Variants in PDSS1 observed in about 807,000 individuals in gnomAD.
PDSS1 encodes the protein all trans-polyprenyl-diphosphate synthase PDSS1.
A neutral mutation model predicts 57.5 loss-of-function variants in PDSS1; 43 were observed. That is an observed-to-expected ratio of 0.75 (90% CI 0.59 to 0.96). PDSS1 has a LOEUF of 0.96. Ranked by LOEUF, PDSS1 falls within the 50% of genes least tolerant of loss-of-function variation. PDSS1 has a pLI of 0.00. For synonymous variants in PDSS1, 175 were observed against 191.3 expected (o/e 0.91, Z 0.70); for missense variants, 438 against 527.8 (o/e 0.83, Z 1.67).
At chr10:26,729,812 T>C (rs975645030) in intron 8 of PDSS1, among the ~76,000 whole-genome samples, 5 of 152,180 alleles carry the variant, frequency 3.3e-5, no homozygotes, top group African/African-American at 1.2e-4. Context: ...TGTGGAGTTA[T>C]TTCTATCCTA....
chr10:26,698,645 A>G (rs1834952809), intron 1 of PDSS1, among the ~76,000 whole-genome samples: 1 of 152,204 alleles, frequency 6.6e-6, no homozygotes, highest in Non-Finnish European at 1.5e-5. Flanking sequence ...TGCTATTAGC[A>G]TAACCGTGCA....
Position 26,746,601 on chromosome 10 carries a change from G to C in PDSS1, c.*128G>C. 5 of 1,009,816 alleles carry C rather than the reference G, an allele frequency of 5.0e-6. No individual in the cohort carries two copies. In the South Asian group the frequency reaches 7.2e-5, roughly 15 times the overall value. 62.6% of individuals were successfully genotyped at this position (1,009,816 alleles called of 1,614,324 possible). Reference sequence around the variant, plus strand: ...TTTAAAAGATATCAAACTTATTGATGGGCAATTTATTTTTTTTTATTGCAA... The same window carrying C: ...TTTAAAAGATATCAAACTTATTGATCGGCAATTTATTTTTTTTTATTGCAA... On this transcript the variant is annotated 3_prime_UTR_variant, in exon 12 of 12. Transcript: ENST00000376215.
chr10:26,738,591 G>A (rs763158110), intron 10 of PDSS1, among the ~76,000 whole-genome samples: 7 of 152,274 alleles, frequency 4.6e-5, no homozygotes, highest in South Asian at 2.1e-4. Context: ...GTTCTAAGAC[G>A]TCTGTAATCC....
intron 4 of PDSS1, 58 bp from the exon 5 acceptor site, chr10:26,709,579 CT>C (rs1285016609): frequency 6.4e-7 from 1 of 1,571,260 alleles, no homozygotes; most frequent in Non-Finnish European, 8.7e-7. Flanking sequence ...AAAAGAAATC[CT>C]GTTGGCTTTC....
At chr10:26,708,202 T>G (rs1284327453) in intron 4 of PDSS1, among the ~76,000 whole-genome samples, 1 of 152,224 alleles carries the variant, frequency 6.6e-6, no homozygotes, top group African/African-American at 2.4e-5. Context: ...ACTAAGTCGG[T>G]AATTTACTGA....
chr10:26,741,491 G>C (rs1043459706), intron 10 of PDSS1, among the ~76,000 whole-genome samples: 9 of 150,344 alleles, frequency 6.0e-5, no homozygotes, highest in African/African-American at 2.0e-4. Context: ...ATCACAGGAG[G>C]GGGGGAAAAA....
At chr10:26,719,331 C>G (rs759574523) in intron 5 of PDSS1, among the ~76,000 whole-genome samples, 1 of 152,202 alleles carries the variant, frequency 6.6e-6, no homozygotes, top group African/African-American at 2.4e-5. Context: ...GTCCTGTCTT[C>G]TTGAGCCTAC....
At chr10:26,729,244 C>T (rs1333863358) in intron 8 of PDSS1, among the ~76,000 whole-genome samples, 1 of 152,152 alleles carries the variant, frequency 6.6e-6, no homozygotes. Flanking sequence ...TCACTGTTCT[C>T]CAAGGAGCCC....
intron 11 of PDSS1, among the ~76,000 whole-genome samples, chr10:26,746,038 T>G (rs922733773): frequency 2.6e-5 from 4 of 152,174 alleles, no homozygotes; most frequent in Admixed American, 6.5e-5. Context: ...TACATAGAAC[T>G]TCTGAGAAAT....
rs1008888186 is a variant in PDSS1, at chr10:26,712,622, C to T, written c.467+2854C>T. On this transcript the variant is annotated intron_variant, in intron 5 of 11. Transcript: ENST00000376215. ...TTGCTTTCTGTGGACTCTTCTGGATCGGGCACTTAAAGGACTAAATATGTA... is the reference window on the plus strand; with the variant it reads ...TTGCTTTCTGTGGACTCTTCTGGATTGGGCACTTAAAGGACTAAATATGTA... Among the ~76,000 whole-genome samples, 21 of 99,154 alleles carry T rather than the reference C, an allele frequency of 2.1e-4. 9 individuals are homozygous for T. Among genetic ancestry groups the T allele is most frequent in the Non-Finnish European group, 3.7e-4 (16 of 42,680 alleles). The allele number at this position is 99,154 out of a possible 152,430, so 65.0% of individuals were successfully genotyped here. A position where few individuals can be genotyped will look rare whatever the true frequency, so the allele number is the denominator to read the frequency against.
intron 10 of PDSS1, among the ~76,000 whole-genome samples, chr10:26,736,873 T>C (rs1836424520): frequency 6.6e-6 from 1 of 152,228 alleles, no homozygotes; most frequent in South Asian, 2.1e-4. Flanking sequence ...GTGCCCAGTT[T>C]TGACAAAAAT....
At chr10:26,741,489 A>AG (rs1225289364) in intron 10 of PDSS1, among the ~76,000 whole-genome samples, 7 of 150,306 alleles carry the variant, frequency 4.7e-5, no homozygotes, top group Non-Finnish European at 1.5e-5. Context: ...CCATCACAGG[A>AG]GGGGGGGAAA....
chr10:26,735,102 C>A, intron 8 of PDSS1, 138 bp from the exon 9 acceptor site: 1 of 738,058 alleles, frequency 1.4e-6, no homozygotes, highest in East Asian at 2.5e-5. Flanking sequence ...TGCTTGGTGT[C>A]CCTCTGATGT....
At chr10:26,715,575 T>G (rs1835542498) in intron 5 of PDSS1, 1 of 152,234 alleles carries the variant, frequency 6.6e-6, no homozygotes, top group Non-Finnish European at 1.5e-5. Context: ...GTTTGTATTT[T>G]TAGTAGAGAC....
Position 26,746,584 on chromosome 10 carries a change from A to G in PDSS1, c.*111A>G, listed in dbSNP as rs1308564648. ...AGATAACCAAAAATCATTTTAAAAG[A>G]TATCAAACTTATTGATGGGCAATTT... On this transcript the variant is annotated 3_prime_UTR_variant, in exon 12 of 12. Transcript: ENST00000376215. 5 of 1,187,442 alleles carry G rather than the reference A, an allele frequency of 4.2e-6. No homozygotes were observed. The Admixed American group carries it at 9.4e-5, about 22-fold the overall frequency. The allele number at this position is 1,187,442 out of a possible 1,614,324, so 73.6% of individuals were successfully genotyped here. A position where few individuals can be genotyped will look rare whatever the true frequency, so the allele number is the denominator to read the frequency against.
chr10:26,706,032 T>G (rs1454545849), intron 4 of PDSS1, among the ~76,000 whole-genome samples: 1 of 152,232 alleles, frequency 6.6e-6, no homozygotes, highest in East Asian at 1.9e-4. Flanking sequence ...CCTTATCTAA[T>G]TCTGAATGTC....
At chr10:26,734,401 C>G (rs745615478) in intron 8 of PDSS1, among the ~76,000 whole-genome samples, 2 of 152,234 alleles carry the variant, frequency 1.3e-5, no homozygotes, top group African/African-American at 2.4e-5. Context: ...TCCCCTCCCC[C>G]TTGTTGGTTT....
At chr10:26,746,229 C>T in intron 11 of PDSS1, 104 bp from the exon 12 acceptor site, 2 of 1,125,328 alleles carry the variant, frequency 1.8e-6, no homozygotes, top group Non-Finnish European at 1.4e-6. Flanking sequence ...TAATCCTCAG[C>T]TCATCTGATC....
chr10:26,734,625 A>G (rs1284530201), intron 8 of PDSS1: 2 of 455,466 alleles, frequency 4.4e-6, no homozygotes, highest in Non-Finnish European at 8.8e-6. Context: ...GGACCAGTGA[A>G]GTTCCTTCCG....
Sources: allele counts gnomAD v4.1 joint callset (sites outside exome capture counted in the v4.1 genomes callset), GRCh38; gene constraint gnomAD v4.1.1; transcripts MANE v1.5; gene names NCBI Gene and HGNC (gene_info 2026-07-23, HGNC 2026-07-21).